ZNF620: variants seen among roughly 807,000 people sequenced by gnomAD.
The protein encoded by ZNF620 is zinc finger protein 620.
In ZNF620, 10 loss-of-function variants were observed where a neutral mutation model predicts 13.3. The observed-to-expected ratio is 0.75, with a 90% CI of 0.46 to 1.28. ZNF620 has a LOEUF of 1.28. Ranked by LOEUF, ZNF620 falls within the 50% of genes most tolerant of loss-of-function variation. The probability of loss-of-function intolerance (pLI) is 0.00; values close to 1 mark genes in which losing one functional copy is unlikely to be tolerated. For synonymous variants in ZNF620, 166 were observed against 177.6 expected (o/e 0.93, Z 0.52); for missense variants, 461 against 500.2 (o/e 0.92, Z 0.75).
Position 40,506,393 on chromosome 3 carries a change from T to TGCCAC in ZNF620, c.24+17_24+18insGCCAC. The TGCCAC allele has an allele frequency of 6.4e-7, 1 of 1,555,998 alleles. No homozygotes were observed. The highest frequency in any genetic ancestry group is 8.8e-7 in the Non-Finnish European group (1 of 1,132,296). ...TGGCGCCAGGTGAGTGAGCATCCTC[T>TGCCAC]CCCTCCCTCCCACCCTTTAGATGTC... On this transcript the variant is annotated intron_variant, in intron 2 of 4. Coordinates refer to ENST00000314529, the MANE Select transcript of ZNF620 (RefSeq NM_175888.4).
Position 40,506,134 on chromosome 3 carries a change from T to G in ZNF620, c.-54T>G. ...CGGTCCGAGCTGAAGAGGTTCGCGG[T>G]CCGGGTAACTGATTGGTTTTCCTGG... On this transcript the variant is annotated 5_prime_UTR_variant, in exon 1 of 5. Transcript: ENST00000314529. 1.6e-6 allele frequency: 1 copy of G among 631,302 alleles called. No individual in the cohort carries two copies. Among genetic ancestry groups the G allele is most frequent in the South Asian group, 1.8e-5 (1 of 54,658 alleles). 39.1% of individuals were successfully genotyped at this position (631,302 alleles called of 1,614,324 possible). A position where few individuals can be genotyped will look rare whatever the true frequency, so the allele number is the denominator to read the frequency against.
intron 4 of ZNF620, among the ~76,000 whole-genome samples, chr3:40,513,317 ATATATATATATATATAT>A (rs1235443755): frequency 3.3e-5 from 3 of 90,344 alleles, no homozygotes; most frequent in East Asian, 6.5e-4. Context: ...AAAAAAAAAA[ATATATATATATATATAT>A]ATATATATAT....
At chr3:40,512,364 T>C (rs1449400957) in intron 3 of ZNF620, 38 bp from the exon 4 acceptor site, 1 of 1,573,728 alleles carries the variant, frequency 6.4e-7, no homozygotes, top group Admixed American at 1.7e-5. Context: ...TGGTTCCTGA[T>C]TCCCCTTACC....
chr3:40,508,763 T>A, intron 2 of ZNF620: 1 of 456,480 alleles, frequency 2.2e-6, no homozygotes, highest in Non-Finnish European at 4.4e-6. Flanking sequence ...TGAGACTAAG[T>A]TGAGACTACA....
intron 4 of ZNF620, among the ~76,000 whole-genome samples, chr3:40,514,565 A>G (rs1182565274): frequency 1.3e-5 from 2 of 152,062 alleles, no homozygotes; most frequent in African/African-American, 4.8e-5. Context: ...TGGACCCTAC[A>G]CCAGCCTGAG....
chr3:40,513,146 C>T (rs1698250136), intron 4 of ZNF620, among the ~76,000 whole-genome samples: 1 of 151,508 alleles, frequency 6.6e-6, no homozygotes, highest in African/African-American at 2.4e-5. Flanking sequence ...GAATAACTTT[C>T]TCACTTCGAT....
chr3:40,516,472 C>G lies in ZNF620; in HGVS notation c.878C>G (p.Ser293Cys). The G allele has an allele frequency of 1.2e-6, 2 of 1,614,032 alleles. No homozygotes were observed. Among genetic ancestry groups the G allele is most frequent in the Non-Finnish European group, 8.5e-7 (1 of 1,179,878 alleles). The change falls in exon 5 of 5, where the codon TCT becomes TGT. Residue 293 changes from serine (S) to cysteine (C), a missense_variant. By Grantham distance (112) the Ser-to-Cys change is moderately radical (BLOSUM62 -1). Coordinates refer to ENST00000314529, the MANE Select transcript of ZNF620 (RefSeq NM_175888.4). ...KECGKAFSSS[S>C]VFLQHQRFHT... Reference sequence around the variant, plus strand: ...TGCGGCAAGGCCTTCAGTAGCAGCTCTGTCTTCCTCCAGCACCAGAGGTTC... The same window carrying G: ...TGCGGCAAGGCCTTCAGTAGCAGCTGTGTCTTCCTCCAGCACCAGAGGTTC...
At chr3:40,506,693 T>G (rs973824988) in intron 2 of ZNF620, among the ~76,000 whole-genome samples, 2 of 152,244 alleles carry the variant, frequency 1.3e-5, no homozygotes, top group Non-Finnish European at 2.9e-5. Flanking sequence ...TTCTTCAGTA[T>G]AGCAATTCTA....
At chr3:40,512,321 C>T in intron 3 of ZNF620, 81 bp from the exon 4 acceptor site, 1 of 1,162,342 alleles carries the variant, frequency 8.6e-7, no homozygotes, top group Non-Finnish European at 1.3e-6. Context: ...CCTGGCTCAG[C>T]AGATAAAGAT....
chr3:40,506,396 C>T lies in ZNF620; in HGVS notation c.24+20C>T, dbSNP rs1698018347. ...CGCCAGGTGAGTGAGCATCCTCTCCCTCCCTCCCACCCTTTAGATGTCAAG... is the reference window on the plus strand; with the variant it reads ...CGCCAGGTGAGTGAGCATCCTCTCCTTCCCTCCCACCCTTTAGATGTCAAG... On this transcript the variant is annotated intron_variant, in intron 2 of 4. Transcript: ENST00000314529. 1.9e-6 allele frequency: 3 copies of T among 1,579,712 alleles called. No individual in the cohort carries two copies. Among genetic ancestry groups the T allele is most frequent in the East Asian group, 2.2e-5 (1 of 44,542 alleles).
rs768501519 is a variant in ZNF620 at position 40,516,249 on chromosome 3, A to G, written c.655A>G (p.Thr219Ala). 6.8e-6 allele frequency: 11 copies of G among 1,614,138 alleles called. No individual in the cohort carries two copies. In the South Asian group the frequency reaches 1.1e-4, roughly 16 times the overall value. The stretch of plus-strand genomic sequence containing the variant: ...CTTCCACCGACATGAGAAATGTCAC[A>G]CTGGTGAAAAGTCTTTTGAATGCAA... ...ADFHRHEKCH[T>A]GEKSFECKEC... is the part of the protein sequence containing the mutation. Residue 219 changes from threonine to alanine, a missense_variant, in exon 5 of 5, where the codon ACT (threonine) becomes GCT (alanine). Physicochemically the swap from Thr to Ala is moderately conservative, Grantham distance 58. Coordinates refer to ENST00000314529, the MANE Select transcript of ZNF620 (RefSeq NM_175888.4).
At chr3:40,513,906 G>A (rs1213806820) in intron 4 of ZNF620, among the ~76,000 whole-genome samples, 3 of 152,150 alleles carry the variant, frequency 2.0e-5, no homozygotes, top group African/African-American at 4.8e-5. Flanking sequence ...CTGTCAAGCC[G>A]GGACAGGGCC....
At chr3:40,506,440 C>A (rs944748227) in intron 2 of ZNF620, 64 bp downstream of exon 2, 6 of 1,506,954 alleles carry the variant, frequency 4.0e-6, no homozygotes, top group Non-Finnish European at 5.4e-6. Flanking sequence ...GGTGTCACCT[C>A]TGCATTCAGA....
At position 40,517,628 on chromosome 3, in the gene ZNF620, A is replaced by T. The variant is rs534329741; in HGVS notation, c.*765A>T. 6.6e-6 allele frequency: 1 copy of T among 152,292 alleles called. No individual in the cohort carries two copies. The highest frequency in any genetic ancestry group is 2.1e-4 in the South Asian group (1 of 4,826). 9.4% of individuals were successfully genotyped at this position (152,292 alleles called of 1,614,324 possible). On this transcript the variant is annotated 3_prime_UTR_variant, in exon 5 of 5. Transcript: ENST00000314529. ...CAGATGACAATGTGTATGCCTTCAG[A>T]CTTCTCATGGAAAATGTTTTCCCCT...
In ZNF620 at chr3:40,506,136, C is replaced by G; in HGVS notation, c.-52C>G. The stretch of plus-strand genomic sequence containing the variant: ...GTCCGAGCTGAAGAGGTTCGCGGTC[C>G]GGGTAACTGATTGGTTTTCCTGGGG... On this transcript the variant is annotated splice_region_variant and 5_prime_UTR_variant, in exon 1 of 5. Transcript: ENST00000314529. The G allele has an allele frequency of 1.6e-6, 1 of 633,776 alleles. No individual in the cohort carries two copies. Among genetic ancestry groups the G allele is most frequent in the Non-Finnish European group, 2.8e-6 (1 of 354,076 alleles). 39.3% of individuals were successfully genotyped at this position (633,776 alleles called of 1,614,324 possible).
chr3:40,510,681 T>A (rs1698166318), intron 2 of ZNF620, among the ~76,000 whole-genome samples: 1 of 152,244 alleles, frequency 6.6e-6, no homozygotes, highest in Non-Finnish European at 1.5e-5. Context: ...TTTTCTAGTC[T>A]AGTTATCATT....
At position 40,512,506 on chromosome 3, in the gene ZNF620, A is replaced by G; in HGVS notation, c.256A>G (p.Ile86Val). ...EPMGREALRG[I>V]CPGDEARTEK... ...TATGGGCAGGGAGGCTCTCAGAGGT[A>G]TCTGTCCAGGTGAGCATGAGAACCC... Residue 86 changes from isoleucine to valine, a missense_variant, in exon 4 of 5, where the codon ATC becomes GTC. Physicochemically the swap from Ile to Val is conservative, Grantham distance 29. Coordinates refer to ENST00000314529, the MANE Select transcript of ZNF620 (RefSeq NM_175888.4). The G allele has an allele frequency of 3.7e-6, 6 of 1,612,470 alleles. No homozygotes were observed. The highest frequency in any genetic ancestry group is 5.1e-6 in the Non-Finnish European group (6 of 1,179,300).
Position 40,516,159 on chromosome 3 carries a change from A to G in ZNF620, c.565A>G (p.Asn189Asp), listed in dbSNP as rs1475834747. 1.9e-6 allele frequency: 3 copies of G among 1,614,010 alleles called. No homozygotes were observed. The highest frequency in any genetic ancestry group is 2.2e-5 in the South Asian group (2 of 91,090). Residue 189 changes from asparagine to aspartate, a missense_variant, in exon 5 of 5, where the codon AAT (asparagine) becomes GAT (aspartate). Transcript: ENST00000314529. Reference sequence around the variant, plus strand: ...CACACAACTCACTACAAATCAGACAAATCCTAGTGGTCAGATATCTTATGA... The same window carrying G: ...CACACAACTCACTACAAATCAGACAGATCCTAGTGGTCAGATATCTTATGA... The part of the protein sequence containing the change: ...VSTQLTTNQT[N>D]PSGQISYECG...
chr3:40,511,672 G>GTTTTTTTC, intron 3 of ZNF620, 76 bp downstream of exon 3: 8 of 1,545,814 alleles, frequency 5.2e-6, no homozygotes, highest in Non-Finnish European at 6.9e-6. Flanking sequence ...ACTTTGTGGG[G>GTTTTTTTC]TTTTTTTCTT....
Sources: gnomAD v4.1 joint callset for allele counts (sites outside exome capture counted in the v4.1 genomes callset) on GRCh38, gnomAD v4.1.1 for gene constraint, MANE v1.5 for transcripts, NCBI Gene and HGNC (gene_info 2026-07-23, HGNC 2026-07-21) for gene names.